The following TCF7L1 variants were observed in gnomAD, a reference collection of about 807,000 sequenced individuals.
TCF7L1 encodes transcription factor 7-like 1.
In TCF7L1, 18 loss-of-function variants were observed where a neutral mutation model predicts 63.7. The ratio of observed to expected loss-of-function variants is 0.28; its 90% confidence interval spans 0.20 to 0.42. The LOEUF is 0.42. TCF7L1 is among the 10% of genes least tolerant of loss of function. The pLI is 1.00. For missense variants in TCF7L1, 654 were observed against 779.3 expected, an observed-to-expected ratio of 0.84 and a Z score of 1.91; for synonymous variants, 355 against 340.9, an observed-to-expected ratio of 1.04 and a Z score of -0.46.
intron 3 of TCF7L1, among the ~76,000 whole-genome samples, chr2:85,271,935 A>T (rs1335192806): frequency 6.6e-6 from 1 of 152,178 alleles, no homozygotes; most frequent in East Asian, 1.9e-4. Flanking sequence ...TGGAGAGAGG[A>T]TTTGGGATCC....
intron 3 of TCF7L1, among the ~76,000 whole-genome samples, chr2:85,273,923 G>T (rs1681212874): frequency 6.6e-6 from 1 of 152,182 alleles, no homozygotes; most frequent in African/African-American, 2.4e-5. Flanking sequence ...AAAGGCATTT[G>T]CTCTTTCAGC....
At chr2:85,278,150 G>A (rs910073955) in intron 3 of TCF7L1, among the ~76,000 whole-genome samples, 6 of 152,210 alleles carry the variant, frequency 3.9e-5, no homozygotes, top group African/African-American at 1.4e-4. Flanking sequence ...CCTTCCTGCA[G>A]GAAAGGGGGC....
At chr2:85,199,725 A>AT (rs560329428) in intron 3 of TCF7L1, among the ~76,000 whole-genome samples, 107 of 152,284 alleles carry the variant, frequency 7.0e-4, no homozygotes, top group African/African-American at 2.4e-3. Context: ...ATACAAGATA[A>AT]TTTTTTTATT....
intron 3 of TCF7L1, among the ~76,000 whole-genome samples, chr2:85,272,747 G>A (rs1681180595): frequency 6.6e-6 from 1 of 152,128 alleles, no homozygotes; most frequent in African/African-American, 2.4e-5. Context: ...GTGAGCTACA[G>A]TCGTGCCACT....
intron 3 of TCF7L1, chr2:85,217,120 C>T (rs1016723779): frequency 5.9e-5 from 9 of 152,068 alleles, no homozygotes; most frequent in Admixed American, 5.2e-4. Context: ...TAAGACACCT[C>T]CTGCCCTCAC....
chr2:85,250,781 A>G (rs1433579176), intron 3 of TCF7L1, among the ~76,000 whole-genome samples: 2 of 152,206 alleles, frequency 1.3e-5, no homozygotes, highest in African/African-American at 2.4e-5. Context: ...GTATTACACT[A>G]TTTTGTGTTT....
intron 4 of TCF7L1, among the ~76,000 whole-genome samples, chr2:85,285,759 T>G (rs1681531483): frequency 6.6e-6 from 1 of 152,224 alleles, no homozygotes; most frequent in African/African-American, 2.4e-5. Flanking sequence ...GTTTCAGATC[T>G]GTGCCTTCCT....
intron 3 of TCF7L1, chr2:85,262,013 A>T (rs985048118): frequency 1.9e-6 from 1 of 517,776 alleles, no homozygotes; most frequent in Non-Finnish European, 3.8e-6. Flanking sequence ...ATCCTTCTCA[A>T]CAATTTCTCA....
chr2:85,283,677 C>A, intron 4 of TCF7L1, 99 bp downstream of exon 4: 1 of 1,304,168 alleles, frequency 7.7e-7, no homozygotes, highest in Non-Finnish European at 1.1e-6. Flanking sequence ...TGGGGTCCAA[C>A]AGTGTTTCCT....
In TCF7L1 at chr2:85,144,749, G is replaced by GTGTGTT. The variant is rs767439897; in HGVS notation, c.441+10300_441+10301insGTGTTT. On this transcript the variant is annotated intron_variant, in intron 3 of 11. Coordinates refer to ENST00000282111, the MANE Select transcript of TCF7L1 (RefSeq NM_031283.3). ...TGTGTGTGTGTGTGTGTGTGTGTGT[G>GTGTGTT]TATGTGTGTGTGTGTGTATGTATGT... is the stretch of plus-strand genomic sequence containing the variant. Among the ~76,000 whole-genome samples, 669 of 147,124 alleles carry GTGTGTT rather than the reference G, an allele frequency of 4.5e-3. 3 individuals are homozygous for GTGTGTT. Among genetic ancestry groups the GTGTGTT allele is most frequent in the African/African-American group, 0.016 (645 of 39,448 alleles).
At chr2:85,138,823 C>A (rs1226383444) in intron 3 of TCF7L1, among the ~76,000 whole-genome samples, 1 of 152,068 alleles carries the variant, frequency 6.6e-6, no homozygotes, top group African/African-American at 2.4e-5. Flanking sequence ...ACAGCGTATT[C>A]CAGCCTTTAC....
chr2:85,205,056 A>G (rs2104282771), intron 3 of TCF7L1: 1 of 152,300 alleles, frequency 6.6e-6, no homozygotes, highest in East Asian at 1.9e-4. Context: ...GAGATAGAAA[A>G]GGGAAAACTA....
intron 3 of TCF7L1, among the ~76,000 whole-genome samples, chr2:85,200,080 C>A (rs149772357): frequency 6.6e-6 from 1 of 152,342 alleles, no homozygotes; most frequent in African/African-American, 2.4e-5. Context: ...TGTATCTGTA[C>A]TTCATTCCAT....
At chr2:85,215,199 C>T (rs1038234338) in intron 3 of TCF7L1, among the ~76,000 whole-genome samples, 4 of 152,190 alleles carry the variant, frequency 2.6e-5, no homozygotes, top group African/African-American at 7.2e-5. Context: ...TCTCAGGTTC[C>T]GTTTCTTTGT....
intron 3 of TCF7L1, among the ~76,000 whole-genome samples, chr2:85,253,681 A>G (rs1680643240): frequency 2.0e-5 from 3 of 152,198 alleles, no homozygotes; most frequent in African/African-American, 7.2e-5. Flanking sequence ...AAGAGGGGCC[A>G]TCTCCCTGTC....
At chr2:85,153,382 C>A (rs1678067701) in intron 3 of TCF7L1, among the ~76,000 whole-genome samples, 1 of 117,086 alleles carries the variant, frequency 8.5e-6, no homozygotes, top group Non-Finnish European at 1.6e-5. Flanking sequence ...TGCTCTGTCA[C>A]CCAGGCTGGA....
At chr2:85,204,228 T>C (rs958273488) in intron 3 of TCF7L1, among the ~76,000 whole-genome samples, 2 of 151,436 alleles carry the variant, frequency 1.3e-5, no homozygotes, top group Admixed American at 6.6e-5. Context: ...ACAACTACTA[T>C]GTATTATTTT....
chr2:85,184,277 G>A (rs7606092), intron 3 of TCF7L1, among the ~76,000 whole-genome samples: 1 of 152,174 alleles, frequency 6.6e-6, no homozygotes, highest in Non-Finnish European at 1.5e-5. Context: ...AGGAGAGGAC[G>A]CTGCAGTCAG....
chr2:85,245,951 C>T (rs1304013502), intron 3 of TCF7L1, among the ~76,000 whole-genome samples: 2 of 152,140 alleles, frequency 1.3e-5, no homozygotes, highest in Non-Finnish European at 2.9e-5. Flanking sequence ...TTTGGTCACC[C>T]GGTGACTGAC....
Sources: allele counts gnomAD v4.1 joint callset (sites outside exome capture counted in the v4.1 genomes callset), GRCh38; gene constraint gnomAD v4.1.1; transcripts MANE v1.5; gene names NCBI Gene and HGNC (gene_info 2026-07-23, HGNC 2026-07-21).